Variants in DEUP1 observed in about 807,000 individuals in gnomAD.
DEUP1 encodes the protein coiled-coil domain containing 67.
Under a neutral mutation model 87.4 loss-of-function variants are expected in DEUP1, and 82 were observed. The ratio of observed to expected loss-of-function variants is 0.94; its 90% CI spans 0.78 to 1.13. DEUP1 has a LOEUF of 1.13. Among genes scored for constraint, DEUP1 ranks in the 50% most tolerant of loss-of-function variants. The pLI is 0.00. For synonymous variants in DEUP1, 214 were observed against 222.7 expected (o/e 0.96, Z 0.35); for missense variants, 663 against 681.5 (o/e 0.97, Z 0.30).
intron 6 of DEUP1, among the ~76,000 whole-genome samples, chr11:93,370,420 CAT>C (rs1332862144): frequency 6.6e-6 from 1 of 152,182 alleles, no homozygotes; most frequent in African/African-American, 2.4e-5. Context: ...CATTAAATAG[CAT>C]ATGTTTTTGC....
intron 13 of DEUP1, among the ~76,000 whole-genome samples, chr11:93,431,224 G>A (rs1948097794): frequency 1.3e-5 from 2 of 152,078 alleles, no homozygotes. Context: ...TGAGTAGCCA[G>A]GAAAATTATC....
chr11:93,354,626 A>C lies in DEUP1; in HGVS notation c.30-745A>C, dbSNP rs557183735. 1.3e-3 allele frequency among the ~76,000 whole-genome samples: 197 copies of C among 152,294 alleles called. 1 individual carries two copies. The highest frequency in any genetic ancestry group is 4.5e-3 in the African/African-American group (189 of 41,564). On this transcript the variant is annotated intron_variant, in intron 2 of 13. Transcript: ENST00000298050. ...AGGCCTCAGAATCATGGGGGGAGCC[A>C]AAAAGCACTTCTTATATGATGGAGG...
At chr11:93,418,947 C>T (rs1232433213) in intron 13 of DEUP1, among the ~76,000 whole-genome samples, 1 of 151,162 alleles carries the variant, frequency 6.6e-6, no homozygotes. Flanking sequence ...AAACCAAACA[C>T]TGCATATTCT....
At chr11:93,331,006 T>C (rs1214530953) in intron 1 of DEUP1, among the ~76,000 whole-genome samples, 1 of 152,264 alleles carries the variant, frequency 6.6e-6, no homozygotes, top group Non-Finnish European at 1.5e-5. Context: ...TTAGAAGGAC[T>C]GGGCTTCAGT....
chr11:93,360,869 T>C (rs1269845681), intron 4 of DEUP1, among the ~76,000 whole-genome samples: 1 of 102,364 alleles, frequency 9.8e-6, no homozygotes, highest in African/African-American at 3.9e-5. Flanking sequence ...GAAAAAGCAT[T>C]CAAAGAAATA....
intron 5 of DEUP1, among the ~76,000 whole-genome samples, chr11:93,364,822 T>G (rs748870733): frequency 1.3e-5 from 2 of 152,038 alleles, no homozygotes; most frequent in Non-Finnish European, 2.9e-5. Context: ...ACTATATATA[T>G]CTACTATGTA....
chr11:93,432,949 C>T (rs1454685695), intron 13 of DEUP1, among the ~76,000 whole-genome samples: 1 of 152,124 alleles, frequency 6.6e-6, no homozygotes, highest in African/African-American at 2.4e-5. Flanking sequence ...AGGGCTCCAT[C>T]TTTTAACTTC....
intron 2 of DEUP1, chr11:93,352,517 A>C: frequency 3.1e-6 from 2 of 642,770 alleles, no homozygotes; most frequent in Non-Finnish European, 5.6e-6. Context: ...AGATATTACT[A>C]TGTGTATGAC....
chr11:93,335,719 T>C (rs1943725772), intron 2 of DEUP1, among the ~76,000 whole-genome samples: 1 of 152,246 alleles, frequency 6.6e-6, no homozygotes, highest in African/African-American at 2.4e-5. Context: ...TGCTTTCTTT[T>C]TAGTTTACTT....
chr11:93,370,837 A>T lies in DEUP1; in HGVS notation c.547-201A>T, dbSNP rs569240594. Among the ~76,000 whole-genome samples, 4 of 152,092 alleles carry T rather than the reference A, an allele frequency of 2.6e-5. No homozygotes were observed. In the East Asian group the frequency reaches 7.7e-4, roughly 29 times the overall value. ...TACTCTACATCTTTGCTCTGAGGTT[A>T]TACAAATATATTTTCTCTATATGCC... On this transcript the variant is annotated intron_variant, in intron 6 of 13. Transcript: ENST00000298050.
chr11:93,343,828 A>G (rs1157993924), intron 2 of DEUP1, among the ~76,000 whole-genome samples: 1 of 152,174 alleles, frequency 6.6e-6, no homozygotes, highest in Admixed American at 6.5e-5. Flanking sequence ...GGCCTTTATA[A>G]GTACATTTAA....
At chr11:93,418,886 T>C (rs1002343336) in intron 13 of DEUP1, among the ~76,000 whole-genome samples, 4 of 151,560 alleles carry the variant, frequency 2.6e-5, no homozygotes, top group African/African-American at 9.8e-5. Context: ...TTTGTAGGGA[T>C]ATGGATGAAG....
chr11:93,366,134 G>A (rs1422956343), intron 5 of DEUP1, among the ~76,000 whole-genome samples: 1 of 152,152 alleles, frequency 6.6e-6, no homozygotes, highest in Non-Finnish European at 1.5e-5. Context: ...GAAAACACAC[G>A]AGGTCTAGAA....
intron 4 of DEUP1, among the ~76,000 whole-genome samples, chr11:93,359,058 A>C (rs1041509131): frequency 5.3e-5 from 8 of 152,292 alleles, no homozygotes; most frequent in African/African-American, 1.7e-4. Context: ...GCAAAAGAGA[A>C]GGAAGGAGGA....
chr11:93,352,173 C>A, intron 2 of DEUP1: 1 of 524,500 alleles, frequency 1.9e-6, no homozygotes, highest in South Asian at 3.2e-5. Context: ...GAAATGCTGT[C>A]ATGTGGCACC....
intron 9 of DEUP1, 131 bp from the exon 10 acceptor site, chr11:93,394,328 G>C (rs546523401): frequency 3.4e-6 from 2 of 581,890 alleles, no homozygotes; most frequent in Admixed American, 6.9e-5. Context: ...ATTTAGCATT[G>C]ATCAGAAAAG....
chr11:93,369,991 G>T, intron 5 of DEUP1, 82 bp from the exon 6 acceptor site: 9 of 638,204 alleles, frequency 1.4e-5, no homozygotes, highest in Admixed American at 3.2e-5. Flanking sequence ...GAATGAAGAT[G>T]TACAAATGAA....
chr11:93,353,617 C>T (rs921285374), intron 2 of DEUP1, among the ~76,000 whole-genome samples: 14 of 152,248 alleles, frequency 9.2e-5, no homozygotes, highest in South Asian at 4.1e-4. Flanking sequence ...CAGGCATTTC[C>T]GTATATCTTC....
At chr11:93,382,744 CAA>C (rs1946356249) in intron 7 of DEUP1, among the ~76,000 whole-genome samples, 1 of 152,164 alleles carries the variant, frequency 6.6e-6, no homozygotes, top group Admixed American at 6.5e-5. Context: ...TTCAACTGGG[CAA>C]AGTTATGGGA....
Sources: gnomAD v4.1 joint callset for allele counts (sites outside exome capture counted in the v4.1 genomes callset) on GRCh38, gnomAD v4.1.1 for gene constraint, MANE v1.5 for transcripts, NCBI Gene and HGNC (gene_info 2026-07-23, HGNC 2026-07-21) for gene names.